Variants in DMD observed in about 807,000 individuals in gnomAD.
DMD encodes mutant dystrophin.
A neutral mutation model predicts 330.1 loss-of-function variants in DMD; 63 were observed. The ratio of observed to expected loss-of-function variants is 0.19; its 90% CI spans 0.16 to 0.24. DMD has a LOEUF of 0.24. Ranked by LOEUF, DMD falls within the 10% of genes least tolerant of loss-of-function variation. The probability of loss-of-function intolerance (pLI) is 1.00; values close to 1 mark genes in which losing one functional copy is unlikely to be tolerated. For missense variants in DMD, 3,344 were observed against 2,684.1 expected, an observed-to-expected ratio of 1.25 and a Z score of -5.43; for synonymous variants, 1,223 against 959.8, an observed-to-expected ratio of 1.27 and a Z score of -5.07.
At chrX:33,115,159 A>G (rs1002758484) in intron 1 of DMD, among the ~76,000 whole-genome samples, 15 of 112,260 alleles carry the variant, frequency 1.3e-4, no homozygotes, top group African/African-American at 4.9e-4. Context: ...TCTGTTGAAT[A>G]AACTACTTAA....
intron 50 of DMD, among the ~76,000 whole-genome samples, chrX:31,793,530 T>C (rs183377718): frequency 8.0e-5 from 9 of 111,991 alleles, no homozygotes; most frequent in Admixed American, 5.7e-4. Context: ...TTAATAAACC[T>C]AACCTACTGA....
chrX:32,303,299 T>A (rs1188639672), intron 42 of DMD, among the ~76,000 whole-genome samples: 1 of 111,140 alleles, frequency 9.0e-6, no homozygotes, highest in Non-Finnish European at 1.9e-5. Context: ...TATCAGACCA[T>A]CACTCACTAA....
At chrX:31,895,845 G>A (rs139876100) in intron 47 of DMD, among the ~76,000 whole-genome samples, 4,435 of 111,581 alleles carry the variant, frequency 0.04, 83 homozygotes, top group Non-Finnish European at 0.064. Context: ...TCTCTAAAGC[G>A]CGGCATAATT....
chrX:32,277,929 C>G (rs1303006816), intron 43 of DMD, among the ~76,000 whole-genome samples: 1 of 109,609 alleles, frequency 9.1e-6, no homozygotes, highest in African/African-American at 3.3e-5. Context: ...CAAATCGAAC[C>G]CAAAATTAGT....
At chrX:32,489,999 A>G (rs920646905) in intron 20 of DMD, among the ~76,000 whole-genome samples, 16 of 112,228 alleles carry the variant, frequency 1.4e-4, no homozygotes, top group African/African-American at 5.2e-4. Context: ...ACAAGAACAG[A>G]AAACCTAATA....
intron 7 of DMD, among the ~76,000 whole-genome samples, chrX:32,779,345 C>A (rs1199971192): frequency 9.1e-6 from 1 of 110,154 alleles, no homozygotes; most frequent in African/African-American, 3.3e-5. Flanking sequence ...AATATGCTAG[C>A]ACATTTTTTC....
chrX:32,110,383 G>C (rs948766142), intron 44 of DMD, among the ~76,000 whole-genome samples: 2 of 111,930 alleles, frequency 1.8e-5, no homozygotes, highest in African/African-American at 6.5e-5. Context: ...AAAAAAGAAT[G>C]AGAATGAGAC....
chrX:33,205,965 T>C (rs1341618025), intron 1 of DMD, among the ~76,000 whole-genome samples: 1 of 111,721 alleles, frequency 9.0e-6, no homozygotes, highest in Non-Finnish European at 1.9e-5. Flanking sequence ...GAAGTTTCTT[T>C]AAAATTATCT....
At chrX:32,199,044 A>T (rs761634592) in intron 44 of DMD, among the ~76,000 whole-genome samples, 1 of 112,258 alleles carries the variant, frequency 8.9e-6, no homozygotes, top group East Asian at 2.8e-4. Context: ...GAAATATGAA[A>T]TGTGTATACG....
chrX:31,380,619 T>C (rs910755117), intron 60 of DMD, among the ~76,000 whole-genome samples: 3 of 111,502 alleles, frequency 2.7e-5, no homozygotes, highest in East Asian at 2.8e-4. Flanking sequence ...GCAGACAAGG[T>C]TTACAGGTTA....
At chrX:33,129,324 G>GTTTTTTTTTTTT (rs2095483564) in intron 1 of DMD, among the ~76,000 whole-genome samples, 1 of 10,462 alleles carries the variant, frequency 9.6e-5, no homozygotes, top group Non-Finnish European at 2.1e-4. Flanking sequence ...GTTAAGGTTT[G>GTTTTTTTTTTTT]CTTTTTTTTT....
chrX:33,257,242 G>GT (rs780844810), intron 1 of DMD, among the ~76,000 whole-genome samples: 16 of 111,018 alleles, frequency 1.4e-4, no homozygotes, highest in Non-Finnish European at 2.9e-4. Context: ...AAAAATAAAA[G>GT]TTTTTTCTCA....
At chrX:32,363,096 G>C (rs1309784140) in intron 36 of DMD, 138 bp from the exon 37 acceptor site, 4 of 600,764 alleles carry the variant, frequency 6.7e-6, no homozygotes, top group Non-Finnish European at 1.1e-5. Flanking sequence ...AAGAAAATGA[G>C]AGCAAGCACA....
At chrX:32,019,750 T>C (rs1296301523) in intron 44 of DMD, among the ~76,000 whole-genome samples, 1 of 112,481 alleles carries the variant, frequency 8.9e-6, no homozygotes, top group African/African-American at 3.2e-5. Context: ...AGACTGTAAT[T>C]CCTGACGCTG....
intron 2 of DMD, among the ~76,000 whole-genome samples, chrX:33,014,201 C>G (rs768765800): frequency 1.1e-4 from 12 of 111,509 alleles, no homozygotes; most frequent in African/African-American, 3.2e-4. Context: ...GGCCAACATC[C>G]TACTCCCTTT....
chrX:32,992,476 CATT>C (rs1481650884), intron 2 of DMD, among the ~76,000 whole-genome samples: 1 of 111,782 alleles, frequency 8.9e-6, no homozygotes, highest in Non-Finnish European at 1.9e-5. Flanking sequence ...TGCATGCTTT[CATT>C]AAGAATAAAA....
At chrX:32,871,655 T>G (rs1457649945) in intron 2 of DMD, among the ~76,000 whole-genome samples, 1 of 111,506 alleles carries the variant, frequency 9.0e-6, no homozygotes, top group Admixed American at 9.5e-5. Context: ...GTTTGACTCA[T>G]TCCAAAGGAA....
intron 60 of DMD, among the ~76,000 whole-genome samples, chrX:31,364,768 A>C (rs1443444798): frequency 9.0e-6 from 1 of 111,265 alleles, no homozygotes; most frequent in Non-Finnish European, 1.9e-5. Context: ...AATTCTCCAA[A>C]GATTTCCCCC....
chrX:32,911,955 A>G (rs928218991), intron 2 of DMD, among the ~76,000 whole-genome samples: 1 of 108,831 alleles, frequency 9.2e-6, no homozygotes, highest in Non-Finnish European at 1.9e-5. Context: ...GAGTTTAGCA[A>G]CCACAGGAAG....
Sources: gnomAD v4.1 joint callset for allele counts (sites outside exome capture counted in the v4.1 genomes callset) on GRCh38, gnomAD v4.1.1 for gene constraint, MANE v1.5 for transcripts, NCBI Gene and HGNC (gene_info 2026-07-23, HGNC 2026-07-21) for gene names.